The following TTN variants were observed in gnomAD, a reference collection of about 807,000 sequenced individuals.
The protein encoded by TTN is titin, also known as connectin.
Under a neutral mutation model 3,223.0 loss-of-function variants are expected in TTN, and 1,525 were observed. The ratio of observed to expected loss-of-function variants is 0.47; its 90% CI spans 0.45 to 0.49. TTN has a LOEUF of 0.49. Among genes scored for constraint, TTN ranks in the 20% least tolerant of loss-of-function variants. TTN has a pLI of 0.00. For missense variants in TTN, 40,786 were observed against 43,424.0 expected (o/e 0.94, Z 5.40); for synonymous variants, 14,094 against 15,161.0 (o/e 0.93, Z 5.17).
Position 178,629,731 on chromosome 2 carries a change from GTA to G in TTN, c.44282-290_44282-289del, listed in dbSNP as rs368555051. Reference sequence around the variant, plus strand: ...CGTCAAGTTCTTCTTGCTACATAAGGTATGTGACTTCCAAAATAACTAAGACT... The same window carrying G: ...CGTCAAGTTCTTCTTGCTACATAAGGTGTGACTTCCAAAATAACTAAGACT... On this transcript the variant is annotated intron_variant, in intron 239 of 362. Coordinates refer to ENST00000589042, the MANE Select transcript of TTN (RefSeq NM_001267550.2). 5.4e-3 allele frequency among the ~76,000 whole-genome samples: 817 copies of G among 152,180 alleles called. 8 individuals carry two copies. The highest frequency in any genetic ancestry group is 0.045 in the South Asian group (217 of 4,826).
Position 178,695,959 on chromosome 2 carries a change from A to G in TTN, c.31113T>C (p.Tyr10371=), listed in dbSNP as rs1469000632. 5.2e-6 allele frequency: 8 copies of G among 1,535,894 alleles called. No homozygotes were observed. In the East Asian group the frequency reaches 1.7e-4, roughly 33 times the overall value. Residue 10371 remains tyrosine, a synonymous_variant, in exon 114 of 363, where the codon TAT becomes TAC. Transcript: ENST00000589042. ...CTTCGTCATAGCCTTCTTCCCTTTC[A>G]TAGTATTCTTGCCCTTCTTCAAAAT... is the stretch of plus-strand genomic sequence containing the variant. The part of the protein sequence containing the change: ...EEDFEEGQEY[Y]EREEGYDEGE...
chr2:178,587,670 A>C lies in TTN; in HGVS notation c.63639T>G (p.Ile21213Met). ...CTTGTCCTTTTCTGACCACATTATC[A>C]ATGCCAACTTTTCGCCAAGTGACTT... ...APKVTWRKVG[I>M]DNVVRKGQVD... is the part of the protein sequence containing the mutation. The change falls in exon 306 of 363, where the codon ATT becomes ATG. Residue 21213 changes from isoleucine to methionine, a missense_variant. By Grantham distance (10) the Ile-to-Met change is conservative. Coordinates refer to ENST00000589042, the MANE Select transcript of TTN (RefSeq NM_001267550.2). 6.2e-7 allele frequency: 1 copy of C among 1,612,924 alleles called. No individual in the cohort carries two copies. The highest frequency in any genetic ancestry group is 8.5e-7 in the Non-Finnish European group (1 of 1,179,426).
Position 178,582,625 on chromosome 2 carries a change from G to T in TTN, c.65864-33C>A, listed in dbSNP as rs182452156. ...AATAAGGAAGAAGAGTGAATATGTG[G>T]AATGGGGAATGAGTATAGAGTAGAG... On this transcript the variant is annotated intron_variant, in intron 313 of 362. Transcript: ENST00000589042. The T allele has an allele frequency of 7.0e-6, 11 of 1,567,356 alleles. No homozygotes were observed. In the Admixed American group the frequency reaches 1.9e-4, roughly 28 times the overall value.
In TTN at chr2:178,634,098, T is replaced by C. The variant is rs1000951656; in HGVS notation, c.42416-15A>G. 3 of 1,611,276 alleles carry C rather than the reference T, an allele frequency of 1.9e-6. No individual in the cohort carries two copies. Among genetic ancestry groups the C allele is most frequent in the Admixed American group, 1.7e-5 (1 of 59,830 alleles). On this transcript the variant is annotated splice_polypyrimidine_tract_variant and intron_variant, in intron 230 of 362. Transcript: ENST00000589042. This position sits in a 1 kb window ranked among gnomAD's most constrained non-coding sequence, Gnocchi z 4.6. ...CAGTCTTATACCTGAAATGCAAGCATAGATAATGCCTCAGAAACACAATTC... is the reference window on the plus strand; with the variant it reads ...CAGTCTTATACCTGAAATGCAAGCACAGATAATGCCTCAGAAACACAATTC...
In TTN at chr2:178,592,057, G is replaced by C; in HGVS notation, c.59847C>G (p.Phe19949Leu). Residue 19949 changes from phenylalanine to leucine, a missense_variant, in exon 302 of 363, where the codon TTC (phenylalanine) becomes TTG (leucine). Transcript: ENST00000589042. ...CATACTGGTTCTCCGCAGCTACTCG[G>C]AAGAGGTACTGGTTGCCTTCATTCA... is the stretch of plus-strand genomic sequence containing the variant. ...KHLNEGNQYL[F>L]RVAAENQYGR... 6.2e-7 allele frequency: 1 copy of C among 1,613,126 alleles called. No individual in the cohort carries two copies. Among genetic ancestry groups the C allele is most frequent in the South Asian group, 1.1e-5 (1 of 91,054 alleles).
At chr2:178,586,156 T>A (rs1475412699) in intron 308 of TTN, among the ~76,000 whole-genome samples, 1 of 152,148 alleles carries the variant, frequency 6.6e-6, no homozygotes, top group South Asian at 2.1e-4. Context: ...AGATGGTATC[T>A]CATTGTGGTT....
chr2:178,806,230 A>G (rs1207436174), intron 1 of TTN, among the ~76,000 whole-genome samples: 3 of 152,170 alleles, frequency 2.0e-5, no homozygotes, highest in African/African-American at 4.8e-5. Context: ...TTTTTGTAGC[A>G]TATTATCTTT....
At position 178,570,995 on chromosome 2, in the gene TTN, T is replaced by C; in HGVS notation, c.75137A>G (p.Lys25046Arg). The C allele has an allele frequency of 1.2e-6, 2 of 1,613,370 alleles. No homozygotes were observed. Among genetic ancestry groups the C allele is most frequent in the Non-Finnish European group, 1.7e-6 (2 of 1,179,506 alleles). Residue 25046 changes from lysine to arginine, a missense_variant, in exon 326 of 363, where the codon AAA (lysine) becomes AGA (arginine). Coordinates refer to ENST00000589042, the MANE Select transcript of TTN (RefSeq NM_001267550.2). ...SKITGYIVEKKELPEGRWMKA... is the reference protein window; with the variant it reads ...SKITGYIVEKRELPEGRWMKA... ...CATCCAACGGCCCTCAGGTAATTCT[T>C]TCTTCTCAACAATATAACCAGTGAT...
intron 359 of TTN, 68 bp downstream of exon 359, chr2:178,529,892 G>T: frequency 6.8e-7 from 1 of 1,471,968 alleles, no homozygotes; most frequent in Non-Finnish European, 9.2e-7. Context: ...TATAAGGGGG[G>T]ATGTTTGAAA....
chr2:178,640,196 C>T, intron 221 of TTN, 86 bp from the exon 222 acceptor site: 2 of 1,214,920 alleles, frequency 1.6e-6, no homozygotes. Context: ...GCCCACGTAT[C>T]TTGGAAGATA....
At position 178,573,889 on chromosome 2, in the gene TTN, T is replaced by C; in HGVS notation, c.72243A>G (p.Ala24081=). The C allele has an allele frequency of 6.2e-7, 1 of 1,611,428 alleles. No homozygotes were observed. Among genetic ancestry groups the C allele is most frequent in the Non-Finnish European group, 8.5e-7 (1 of 1,178,036 alleles). Residue 24081 remains alanine, a synonymous_variant, in exon 326 of 363, where the codon GCA becomes GCG. Coordinates refer to ENST00000589042, the MANE Select transcript of TTN (RefSeq NM_001267550.2). ...EGTAKLEIKI[A]DFSTNLVNKD... ...TGTTTACCAGATTAGTAGAGAAATC[T>C]GCAATTTTTATTTCTAACTTTGCTG...
Position 178,553,579 on chromosome 2 carries a change from C to T in TTN, c.89426G>A (p.Arg29809Gln), listed in dbSNP as rs72648238. Residue 29809 changes from arginine (R) to glutamine (Q), a missense_variant, in exon 334 of 363, where the codon CGG (arginine) becomes CAG (glutamine). Physicochemically the swap from Arg to Gln is conservative, Grantham distance 43. Coordinates refer to ENST00000589042, the MANE Select transcript of TTN (RefSeq NM_001267550.2). ...TCCAGCACAGTTTACAGCAGATACCCGGAAGTAGTAATTGACTCCAGGTTT... is the reference window on the plus strand; with the variant it reads ...TCCAGCACAGTTTACAGCAGATACCTGGAAGTAGTAATTGACTCCAGGTTT... ...NLKPGVNYYF[R>Q]VSAVNCAGQG... 8.0e-4 allele frequency: 1,288 copies of T among 1,613,840 alleles called. 1 individual carries two copies. Among genetic ancestry groups the T allele is most frequent in the Middle Eastern group, 1.2e-3 (7 of 6,056 alleles).
At chr2:178,529,433 C>T (rs1310315304) in intron 359 of TTN, 1 of 398,500 alleles carries the variant, frequency 2.5e-6, no homozygotes, top group Non-Finnish European at 4.4e-6. Context: ...TAAACTGAGC[C>T]AAAGATGATT....
intron 112 of TTN, among the ~76,000 whole-genome samples, chr2:178,698,252 T>C (rs867923375): frequency 2.7e-5 from 4 of 146,332 alleles, no homozygotes; most frequent in Middle Eastern, 6.8e-3. Context: ...TGGGGAAATG[T>C]TGGTCAAAGG....
At chr2:178,612,718 C>G (rs960079526) in intron 265 of TTN, 55 bp downstream of exon 265, 1 of 1,561,174 alleles carries the variant, frequency 6.4e-7, no homozygotes, top group Non-Finnish European at 8.6e-7. Context: ...CATATCGTAG[C>G]TCACAGGCAG....
intron 228 of TTN, 78 bp downstream of exon 228, chr2:178,635,087 C>T (rs2060265968): frequency 7.6e-6 from 12 of 1,569,142 alleles, no homozygotes; most frequent in South Asian, 2.4e-5. Context: ...TAAAGCAACC[C>T]GAATCTAGGA....
Position 178,617,127 on chromosome 2 carries a change from A to G in TTN, c.47868T>C (p.Asp15956=), listed in dbSNP as rs1368441326. The change falls in exon 255 of 363, where the codon GAT becomes GAC. Residue 15956 remains aspartate (D), a synonymous_variant. Coordinates refer to ENST00000589042, the MANE Select transcript of TTN (RefSeq NM_001267550.2). ...AATAAAATATCTATTTACCAAATGC[A>G]TCGTCAGCGGTGAGAGGACCAAGAA... ...SEILGPLTAD[D]AFVEPTMDLS... is the part of the protein sequence containing the mutation. 1 of 1,610,186 alleles carries G rather than the reference A, an allele frequency of 6.2e-7. No homozygotes were observed. The highest frequency in any genetic ancestry group is 8.5e-7 in the Non-Finnish European group (1 of 1,178,212).
Position 178,543,448 on chromosome 2 carries a change from G to A in TTN, c.96525C>T (p.Tyr32175=), listed in dbSNP as rs778126823. The change falls in exon 347 of 363, where the codon TAC becomes TAT. Residue 32175 remains tyrosine, a synonymous_variant. Transcript: ENST00000589042. The part of the protein sequence containing the change: ...RISGLVEGTM[Y]YFRVLPENIY... Reference sequence around the variant, plus strand: ...TATTTTCTGGCAGCACTCTGAAATAGTACATGGTTCCTTCTACAAGTCCAG... The same window carrying A: ...TATTTTCTGGCAGCACTCTGAAATAATACATGGTTCCTTCTACAAGTCCAG... The A allele has an allele frequency of 2.4e-5, 39 of 1,613,678 alleles. No individual in the cohort carries two copies. Among genetic ancestry groups the A allele is most frequent in the Middle Eastern group, 3.3e-4 (2 of 6,082 alleles).
At chr2:178,782,111 G>A (rs2092830662) in intron 20 of TTN, 101 bp downstream of exon 20, 1 of 1,361,794 alleles carries the variant, frequency 7.3e-7, no homozygotes, top group African/African-American at 1.4e-5. Context: ...CACAATGAAA[G>A]AGCCTATGCT....
Sources: gnomAD v4.1 joint callset for allele counts (sites outside exome capture counted in the v4.1 genomes callset) on GRCh38, gnomAD v4.1.1 for gene constraint, Gnocchi (gnomAD v3.1) non-coding constraint, MANE v1.5 for transcripts, NCBI Gene and HGNC (gene_info 2026-07-23, HGNC 2026-07-21) for gene names.